RNF6: variants seen among roughly 807,000 people sequenced by gnomAD.
The protein encoded by RNF6 is E3 ubiquitin-protein ligase RNF6.
In RNF6, 21 loss-of-function variants were observed where a neutral mutation model predicts 50.1. The ratio of observed to expected loss-of-function variants is 0.42; its 90% CI spans 0.30 to 0.60. The LOEUF (loss-of-function observed/expected upper bound fraction) is 0.60. RNF6 is among the 20% of genes least tolerant of loss of function. RNF6 has a pLI of 0.20. For missense variants in RNF6, 698 were observed against 838.2 expected, an observed-to-expected ratio of 0.83 and a Z score of 2.07; for synonymous variants, 255 against 291.8, an observed-to-expected ratio of 0.87 and a Z score of 1.29.
At chr13:26,193,122 A>C (rs1868525273) in intron 5 of RNF6, among the ~76,000 whole-genome samples, 1 of 151,744 alleles carries the variant, frequency 6.6e-6, no homozygotes, top group South Asian at 2.1e-4. Context: ...CCTATTATAC[A>C]CCCAAGATAA....
At chr13:26,200,685 G>A (rs191130868) in intron 5 of RNF6, among the ~76,000 whole-genome samples, 37 of 152,272 alleles carry the variant, frequency 2.4e-4, no homozygotes, top group Non-Finnish European at 4.6e-4. Flanking sequence ...GATTACAGGC[G>A]TGAGCCACCA....
chr13:26,197,353 T>A (rs1273698055), intron 5 of RNF6, among the ~76,000 whole-genome samples: 1 of 151,964 alleles, frequency 6.6e-6, no homozygotes, highest in Non-Finnish European at 1.5e-5. Context: ...TACATGTATC[T>A]CCTACAACTC....
intron 5 of RNF6, among the ~76,000 whole-genome samples, chr13:26,191,262 A>G (rs1002282169): frequency 6.6e-6 from 1 of 150,564 alleles, no homozygotes; most frequent in Non-Finnish European, 1.5e-5. Flanking sequence ...GCTAATTCCA[A>G]TGGATTAAAT....
At chr13:26,147,762 C>G (rs750986325) in intron 5 of RNF6, among the ~76,000 whole-genome samples, 2 of 152,174 alleles carry the variant, frequency 1.3e-5, no homozygotes, top group Non-Finnish European at 2.9e-5. Context: ...TTTCAGCAAT[C>G]TCAGGTCTGT....
intron 5 of RNF6, among the ~76,000 whole-genome samples, chr13:26,178,228 A>G (rs1275105612): frequency 6.6e-6 from 1 of 152,154 alleles, no homozygotes; most frequent in Admixed American, 6.6e-5. Context: ...TTGAGTAGCT[A>G]ATATGCAACA....
At chr13:26,174,013 T>C (rs1371007497) in intron 5 of RNF6, among the ~76,000 whole-genome samples, 2 of 152,002 alleles carry the variant, frequency 1.3e-5, no homozygotes, top group Non-Finnish European at 2.9e-5. Flanking sequence ...TTAAAAGTTG[T>C]TTATTCTTAA....
chr13:26,215,368 T>G lies in RNF6; in HGVS notation c.514A>C (p.Ile172Leu), dbSNP rs1304366837. The G allele has an allele frequency of 6.2e-7, 1 of 1,614,256 alleles. No homozygotes were observed. Among genetic ancestry groups the G allele is most frequent in the Middle Eastern group, 1.7e-4 (1 of 6,050 alleles). ...FEIHGEDYTD[I>L]PLSDSNRDHT... Reference sequence around the variant, plus strand: ...TCTCTGTTACTATCTGAAAGTGGAATGTCTGTATAATCTTCTCCATGAATT... The same window carrying G: ...TCTCTGTTACTATCTGAAAGTGGAAGGTCTGTATAATCTTCTCCATGAATT... Residue 172 changes from isoleucine to leucine, a missense_variant, in exon 5 of 5, where the codon ATT (isoleucine) becomes CTT (leucine). By Grantham distance (5) the Ile-to-Leu change is conservative. Coordinates refer to ENST00000381588, the MANE Select transcript of RNF6 (RefSeq NM_005977.4).
At position 26,215,035 on chromosome 13, in the gene RNF6, T is replaced by C; in HGVS notation, c.847A>G (p.Asn283Asp). Residue 283 changes from asparagine (N) to aspartate (D), a missense_variant, in exon 5 of 5, where the codon AAT (asparagine) becomes GAT (aspartate). Transcript: ENST00000381588. ...QRFGAAHVWENGARSNVTVRN... is the reference protein window; with the variant it reads ...QRFGAAHVWEDGARSNVTVRN... ...ACTGTAACATTACTTCTAGCCCCAT[T>C]TTCCCAAACATGTGCTGCTCCAAAC... 6.2e-7 allele frequency: 1 copy of C among 1,614,204 alleles called. No individual in the cohort carries two copies. Among genetic ancestry groups the C allele is most frequent in the Non-Finnish European group, 8.5e-7 (1 of 1,180,024 alleles).
chr13:26,167,418 G>A (rs1017952293), intron 5 of RNF6, among the ~76,000 whole-genome samples: 2 of 152,166 alleles, frequency 1.3e-5, no homozygotes, highest in East Asian at 3.9e-4. Context: ...TTTCAAAAGA[G>A]GGCATACATG....
chr13:26,212,682 T>A (rs1053466016), downstream of RNF6: 5 of 149,828 alleles, frequency 3.3e-5, no homozygotes, highest in Non-Finnish European at 7.5e-5. Context: ...AAATACTCTA[T>A]CCCATAACAC....
chr13:26,219,717 T>A, intron 2 of RNF6, 50 bp from the exon 3 acceptor site: 1 of 1,476,960 alleles, frequency 6.8e-7, no homozygotes, highest in Non-Finnish European at 9.1e-7. Flanking sequence ...ATGGACCACA[T>A]TTGGCTTTGT....
chr13:26,185,810 C>A (rs509054), intron 5 of RNF6, among the ~76,000 whole-genome samples: 97,620 of 152,080 alleles, frequency 0.64, 31,988 homozygotes, highest in Middle Eastern at 0.72. Flanking sequence ...TGATTCTAAA[C>A]TTGTGTTCTC....
chr13:26,219,957 A>G (rs1870305060), intron 2 of RNF6, among the ~76,000 whole-genome samples: 1 of 152,202 alleles, frequency 6.6e-6, no homozygotes, highest in South Asian at 2.1e-4. Context: ...ATTTTTGACC[A>G]TGTTGACGAT....
intron 5 of RNF6, among the ~76,000 whole-genome samples, chr13:26,196,795 G>A (rs957017024): frequency 3.3e-4 from 50 of 151,982 alleles, no homozygotes; most frequent in African/African-American, 1.1e-3. Context: ...CACCAGAAAT[G>A]TTAAGTAGGT....
At chr13:26,156,843 C>T (rs1168237806) in intron 5 of RNF6, among the ~76,000 whole-genome samples, 1 of 152,092 alleles carries the variant, frequency 6.6e-6, no homozygotes, top group East Asian at 1.9e-4. Context: ...ACCCTCGTTA[C>T]CTACACTGAA....
chr13:26,211,038 A>T (rs945289690), downstream of RNF6, among the ~76,000 whole-genome samples: 2 of 152,244 alleles, frequency 1.3e-5, no homozygotes, highest in African/African-American at 4.8e-5. Flanking sequence ...AGAATTTCTA[A>T]CTATTTGTTC....
At chr13:26,135,805 C>T (rs768594331) in intron 5 of RNF6, among the ~76,000 whole-genome samples, 26 of 151,914 alleles carry the variant, frequency 1.7e-4, no homozygotes, top group Non-Finnish European at 1.6e-4. Flanking sequence ...TGGTGCTGTC[C>T]TTATAGTGAT....
chr13:26,134,801 C>G (rs1168734264), intron 5 of RNF6, among the ~76,000 whole-genome samples: 1 of 152,044 alleles, frequency 6.6e-6, no homozygotes, highest in Non-Finnish European at 1.5e-5. Flanking sequence ...GAAGTTACCA[C>G]CAAACTATTA....
chr13:26,152,701 A>C (rs1044671778), intron 5 of RNF6, among the ~76,000 whole-genome samples: 15 of 152,230 alleles, frequency 9.9e-5, no homozygotes, highest in African/African-American at 3.6e-4. Context: ...GTAGCTTCTA[A>C]GACGTTTCTA....
Sources: allele counts gnomAD v4.1 joint callset (sites outside exome capture counted in the v4.1 genomes callset), GRCh38; gene constraint gnomAD v4.1.1; transcripts MANE v1.5; gene names NCBI Gene and HGNC (gene_info 2026-07-23, HGNC 2026-07-21).